RBAK: variants seen among roughly 807,000 people sequenced by gnomAD.
RBAK encodes RB-associated KRAB zinc finger protein.
A neutral mutation model predicts 65.8 loss-of-function variants in RBAK; 39 were observed. The observed-to-expected ratio is 0.59, with a 90% CI of 0.46 to 0.77. The LOEUF (loss-of-function observed/expected upper bound fraction) is 0.77. Among genes scored for constraint, RBAK ranks in the 30% least tolerant of loss-of-function variants. RBAK has a pLI of 0.00. For missense variants in RBAK, 884 were observed against 855.1 expected, an observed-to-expected ratio of 1.03 and a Z score of -0.42; for synonymous variants, 343 against 289.7, an observed-to-expected ratio of 1.18 and a Z score of -1.87.
intron 2 of RBAK, among the ~76,000 whole-genome samples, chr7:5,053,699 T>A (rs1200568947): frequency 2.6e-5 from 4 of 152,256 alleles, no homozygotes; most frequent in Non-Finnish European, 4.4e-5. Context: ...TGTTGCTGTC[T>A]TTATATTCAC....
At chr7:5,049,251 A>G (rs1186566136) in intron 2 of RBAK, among the ~76,000 whole-genome samples, 4 of 152,330 alleles carry the variant, frequency 2.6e-5, no homozygotes, top group South Asian at 2.1e-4. Context: ...CTGCTGCCCA[A>G]GGAGAACTTG....
In RBAK at chr7:5,050,959, T is replaced by G. The variant is rs544196916; in HGVS notation, c.15+2868T>G. 2.6e-5 allele frequency among the ~76,000 whole-genome samples: 4 copies of G among 152,350 alleles called. No individual in the cohort carries two copies. In the South Asian group the frequency reaches 8.3e-4, roughly 32 times the overall value. ...ACAGTTTCTAAAATGTTGAGTAGGC[T>G]TCTAAGCAGGAAGGTTTTTTTGTTT... On this transcript the variant is annotated intron_variant, in intron 2 of 4. Transcript: ENST00000396912.
chr7:5,057,825 C>T, intron 4 of RBAK, 46 bp downstream of exon 4: 2 of 1,605,578 alleles, frequency 1.2e-6, no homozygotes, highest in Non-Finnish European at 1.7e-6. Flanking sequence ...CATCCCAGAC[C>T]TTTGGGAGAG....
chr7:5,051,499 T>A (rs1462397430), intron 2 of RBAK, among the ~76,000 whole-genome samples: 1 of 152,182 alleles, frequency 6.6e-6, no homozygotes, highest in Non-Finnish European at 1.5e-5. Flanking sequence ...TATCATTGAT[T>A]TAATACTTTT....
At chr7:5,055,061 C>T (rs755385589) in intron 2 of RBAK, among the ~76,000 whole-genome samples, 6 of 152,060 alleles carry the variant, frequency 3.9e-5, no homozygotes, top group African/African-American at 1.2e-4. Flanking sequence ...AGATTACAGG[C>T]GTGAGCCACC....
At chr7:5,059,016 G>A (rs1319801889) in intron 4 of RBAK, among the ~76,000 whole-genome samples, 2 of 152,150 alleles carry the variant, frequency 1.3e-5, no homozygotes, top group Non-Finnish European at 2.9e-5. Context: ...CAGAATGTCT[G>A]ATGATAAACT....
At chr7:5,058,756 T>C (rs570329350) in intron 4 of RBAK, among the ~76,000 whole-genome samples, 7 of 152,364 alleles carry the variant, frequency 4.6e-5, no homozygotes, top group African/African-American at 1.7e-4. Context: ...GTGAATTTCA[T>C]AAGTGAATGT....
At chr7:5,060,727 T>G (rs995553864) in intron 4 of RBAK, among the ~76,000 whole-genome samples, 3 of 152,200 alleles carry the variant, frequency 2.0e-5, no homozygotes, top group African/African-American at 7.2e-5. Context: ...GTTGACAGAT[T>G]AGTGGAATGC....
chr7:5,050,218 A>G (rs1200516737), intron 2 of RBAK, among the ~76,000 whole-genome samples: 4 of 152,224 alleles, frequency 2.6e-5, no homozygotes, highest in Non-Finnish European at 5.9e-5. Flanking sequence ...AAATCTTTTA[A>G]TAGTTCCTAT....
rs1779238719 is a variant in RBAK at position 5,067,108 on chromosome 7, G to T, written c.*1507G>T. On this transcript the variant is annotated 3_prime_UTR_variant, in exon 5 of 5. Coordinates refer to ENST00000396912, the MANE Select transcript of RBAK (RefSeq NM_021163.4). ...ACAATATGCTTAATGATGAAATAGT[G>T]AACATTTCTCCTAAGATTATAAAAA... 6.6e-6 allele frequency: 1 copy of T among 152,100 alleles called. No individual in the cohort carries two copies. The highest frequency in any genetic ancestry group is 2.4e-5 in the African/African-American group (1 of 41,424). 9.4% of individuals were successfully genotyped at this position (152,100 alleles called of 1,614,324 possible).
In RBAK at chr7:5,068,977, A is replaced by G. The variant is rs1469209031; in HGVS notation, c.*3376A>G. ...AATTATAAAGACGGGCAAAACTTGTATACGTGGTTTAAAATTAGGGTAGCA... is the reference window on the plus strand; with the variant it reads ...AATTATAAAGACGGGCAAAACTTGTGTACGTGGTTTAAAATTAGGGTAGCA... On this transcript the variant is annotated 3_prime_UTR_variant, in exon 5 of 5. Coordinates refer to ENST00000396912, the MANE Select transcript of RBAK (RefSeq NM_021163.4). 3.3e-5 allele frequency: 5 copies of G among 152,208 alleles called. No homozygotes were observed. Among genetic ancestry groups the G allele is most frequent in the African/African-American group, 1.2e-4 (5 of 41,450 alleles). The allele number at this position is 152,208 out of a possible 1,614,324, so 9.4% of individuals were successfully genotyped here.
In RBAK at chr7:5,045,967, C is replaced by T. The variant is rs1352861075; in HGVS notation, c.-474C>T. 6.3e-6 allele frequency: 2 copies of T among 318,462 alleles called. No homozygotes were observed. Among genetic ancestry groups the T allele is most frequent in the Non-Finnish European group, 1.2e-5 (2 of 170,040 alleles). 19.7% of individuals were successfully genotyped at this position (318,462 alleles called of 1,614,324 possible). On this transcript the variant is annotated 5_prime_UTR_variant, in exon 1 of 5. Coordinates refer to ENST00000396912, the MANE Select transcript of RBAK (RefSeq NM_021163.4). ...AGCCTGCGGGGCTGGAGGTTGAGCG[C>T]CCGGGCCAGCACCTAGGCGGGCGCG...
At chr7:5,051,508 T>C (rs1438196931) in intron 2 of RBAK, among the ~76,000 whole-genome samples, 3 of 152,196 alleles carry the variant, frequency 2.0e-5, no homozygotes, top group Admixed American at 1.3e-4. Flanking sequence ...TTTAATACTT[T>C]TATCTAAACT....
chr7:5,063,149 G>A (rs1271789648), intron 4 of RBAK, among the ~76,000 whole-genome samples: 1 of 152,204 alleles, frequency 6.6e-6, no homozygotes, highest in Non-Finnish European at 1.5e-5. Context: ...AGAGATTGCA[G>A]TAAAGACAGG....
intron 1 of RBAK, 133 bp downstream of exon 1, chr7:5,046,529 C>T: frequency 2.8e-6 from 1 of 357,364 alleles, no homozygotes; most frequent in South Asian, 2.1e-5. Context: ...GGTTTGAGGG[C>T]AGGGTCCGGC....
chr7:5,063,265 G>A (rs1251711105), intron 4 of RBAK, among the ~76,000 whole-genome samples: 1 of 152,162 alleles, frequency 6.6e-6, no homozygotes, highest in Non-Finnish European at 1.5e-5. Flanking sequence ...TCCGTTTGGG[G>A]TCCCTGACTT....
At position 5,064,910 on chromosome 7, in the gene RBAK, A is replaced by G. The variant is rs562837535; in HGVS notation, c.1454A>G (p.His485Arg). Residue 485 changes from histidine to arginine, a missense_variant, in exon 5 of 5, where the codon CAT (histidine) becomes CGT (arginine). Transcript: ENST00000396912. This position sits in a 1 kb window ranked among gnomAD's most constrained non-coding sequence, Gnocchi z 6.3. ...AAAGTACACACAGAAGAGAAATCCCATGAATGTAGTGAATGTGGAAAGTTC... is the reference window on the plus strand; with the variant it reads ...AAAGTACACACAGAAGAGAAATCCCGTGAATGTAGTGAATGTGGAAAGTTC... ...HRKVHTEEKS[H>R]ECSECGKFSQ... is the part of the protein sequence containing the mutation. 1 of 1,614,094 alleles carries G rather than the reference A, an allele frequency of 6.2e-7. No homozygotes were observed. Among genetic ancestry groups the G allele is most frequent in the South Asian group, 1.1e-5 (1 of 91,072 alleles).
chr7:5,051,120 T>A (rs113880586), intron 2 of RBAK, among the ~76,000 whole-genome samples: 5,832 of 152,240 alleles, frequency 0.038, 414 homozygotes, highest in African/African-American at 0.13. Context: ...TGAGTCCTTT[T>A]GAAATATATT....
At position 5,065,016 on chromosome 7, in the gene RBAK, C is replaced by A; in HGVS notation, c.1560C>A (p.Phe520Leu). 1 of 1,613,500 alleles carries A rather than the reference C, an allele frequency of 6.2e-7. No homozygotes were observed. Among genetic ancestry groups the A allele is most frequent in the South Asian group, 1.1e-5 (1 of 91,014 alleles). Residue 520 changes from phenylalanine (F) to leucine (L), a missense_variant, in exon 5 of 5, where the codon TTC becomes TTA. Physicochemically the swap from Phe to Leu is conservative, Grantham distance 22 (BLOSUM62 0). Coordinates refer to ENST00000396912, the MANE Select transcript of RBAK (RefSeq NM_021163.4). This position sits in a 1 kb window ranked among gnomAD's most constrained non-coding sequence, Gnocchi z 5.3. ...PYECNECGKT[F>L]LVNSAFDGHQ... ...AATGTAATGAATGTGGGAAAACCTT[C>A]CTTGTAAATTCAGCCTTCGATGGGC...
Sources: gnomAD v4.1 joint callset for allele counts (sites outside exome capture counted in the v4.1 genomes callset) on GRCh38, gnomAD v4.1.1 for gene constraint, Gnocchi (gnomAD v3.1) non-coding constraint, MANE v1.5 for transcripts, NCBI Gene and HGNC (gene_info 2026-07-23, HGNC 2026-07-21) for gene names.